The following SNX18 variants were observed in gnomAD, a reference collection of about 807,000 sequenced individuals.
SNX18 encodes the protein sorting nexin-18.
Under a neutral mutation model 48.7 loss-of-function variants are expected in SNX18, and 35 were observed. The observed-to-expected ratio is 0.72, with a 90% CI of 0.55 to 0.95. The LOEUF is 0.95. Ranked by LOEUF, SNX18 falls within the 40% of genes least tolerant of loss-of-function variation. The pLI, the probability that SNX18 is intolerant of heterozygous loss-of-function variation, is 0.00. For missense variants in SNX18, 824 were observed against 871.0 expected, an observed-to-expected ratio of 0.95 and a Z score of 0.68; for synonymous variants, 492 against 384.7, an observed-to-expected ratio of 1.28 and a Z score of -3.26.
At chr5:54,525,265 G>A (rs1762110131) in intron 1 of SNX18, among the ~76,000 whole-genome samples, 1 of 152,040 alleles carries the variant, frequency 6.6e-6, no homozygotes, top group South Asian at 2.1e-4. Context: ...TGACAACCAG[G>A]CATGGTGGCA....
chr5:54,588,690 T>C, the SNX18 span, among the ~76,000 whole-genome samples: 1 of 152,186 alleles, frequency 6.6e-6, no homozygotes, highest in Non-Finnish European at 1.5e-5. Context: ...TGTTGAGCAC[T>C]GTACACCTTC....
the SNX18 span, among the ~76,000 whole-genome samples, chr5:54,613,160 A>T: frequency 1.3e-5 from 2 of 152,230 alleles, no homozygotes; most frequent in Admixed American, 6.5e-5. Context: ...ATTGGGAAAT[A>T]CTGGGCTGAC....
chr5:54,631,795 G>A, the SNX18 span, among the ~76,000 whole-genome samples: 3 of 152,186 alleles, frequency 2.0e-5, no homozygotes, highest in South Asian at 4.1e-4. Context: ...GAGTAGATGT[G>A]AGATCAGAAG....
At chr5:54,519,621 C>T (rs773123866) in intron 1 of SNX18, 48 bp downstream of exon 1, 168 of 1,614,042 alleles carry the variant, frequency 1.0e-4, no homozygotes, top group Non-Finnish European at 1.4e-4. Flanking sequence ...ATTGTGCAGG[C>T]TGAAAGGGGC....
In SNX18 at chr5:54,518,930, G is replaced by A. The variant is rs1761947721; in HGVS notation, c.978G>A (p.Lys326=). ...GGCTGTACGCGCGCCTGGCGGAGAA[G>A]TTCCCGGTCATCTCCGTGCCCCACC... is the stretch of plus-strand genomic sequence containing the variant. The part of the protein sequence containing the change: ...FDWLYARLAE[K]FPVISVPHLP... Residue 326 remains lysine, a synonymous_variant, in exon 1 of 2, where the codon AAG becomes AAA. Transcript: ENST00000381410. 1 of 1,613,882 alleles carries A rather than the reference G, an allele frequency of 6.2e-7. No individual in the cohort carries two copies. Among genetic ancestry groups the A allele is most frequent in the Non-Finnish European group, 8.5e-7 (1 of 1,180,036 alleles).
At chr5:54,623,115 A>G in the SNX18 span, among the ~76,000 whole-genome samples, 1 of 152,136 alleles carries the variant, frequency 6.6e-6, no homozygotes, top group Non-Finnish European at 1.5e-5. Flanking sequence ...CAGTCTCTGT[A>G]GTGATAATCT....
the SNX18 span, among the ~76,000 whole-genome samples, chr5:54,600,435 C>T: frequency 6.6e-5 from 10 of 152,154 alleles, no homozygotes; most frequent in Non-Finnish European, 1.5e-4. Flanking sequence ...CCTCAAAGAG[C>T]TAGAACCAGA....
chr5:54,518,376 G>C lies in SNX18; in HGVS notation c.424G>C (p.Gly142Arg). Reference sequence around the variant, plus strand: ...GCAGCCGTCGCCTCAGCAGCTCTACGGCGGCTACCAGGCCAGCCAAGGCAG... The same window carrying C: ...GCAGCCGTCGCCTCAGCAGCTCTACCGCGGCTACCAGGCCAGCCAAGGCAG... The part of the protein sequence containing the change: ...ALQPSPQQLY[G>R]GYQASQGSDD... Residue 142 changes from glycine to arginine, a missense_variant, in exon 1 of 2, where the codon GGC becomes CGC. This residue lies in a region of SNX18 where 377 missense variants were observed against 350.6 expected (regional missense o/e 1.08). Coordinates refer to ENST00000381410, the MANE Select transcript of SNX18 (RefSeq NM_001102575.2). The C allele has an allele frequency of 6.4e-7, 1 of 1,568,706 alleles. No individual in the cohort carries two copies. Among genetic ancestry groups the C allele is most frequent in the Non-Finnish European group, 8.6e-7 (1 of 1,158,796 alleles).
chr5:54,521,844 A>G (rs1178030329), intron 1 of SNX18, among the ~76,000 whole-genome samples: 1 of 152,198 alleles, frequency 6.6e-6, no homozygotes, highest in Non-Finnish European at 1.5e-5. Context: ...CTGGGATTAC[A>G]AGCGTGAACC....
the SNX18 span, among the ~76,000 whole-genome samples, chr5:54,608,238 C>G: frequency 6.6e-6 from 1 of 152,130 alleles, no homozygotes; most frequent in Admixed American, 6.6e-5. Flanking sequence ...CATATTATGG[C>G]TTTAATTTGG....
At chr5:54,558,905 A>G in the SNX18 span, among the ~76,000 whole-genome samples, 1 of 152,184 alleles carries the variant, frequency 6.6e-6, no homozygotes, top group African/African-American at 2.4e-5. Context: ...AAGATTTGGA[A>G]TAAGTAAAAC....
At chr5:54,526,840 A>C (rs995551830) in intron 1 of SNX18, among the ~76,000 whole-genome samples, 2 of 152,060 alleles carry the variant, frequency 1.3e-5, no homozygotes, top group Non-Finnish European at 2.9e-5. Flanking sequence ...GAAAGAGGGC[A>C]TGGGAGGCAG....
At chr5:54,632,041 C>G in the SNX18 span, among the ~76,000 whole-genome samples, 2 of 152,282 alleles carry the variant, frequency 1.3e-5, no homozygotes, top group South Asian at 4.1e-4. Context: ...TTTCAAGAAG[C>G]CTGGCATGTC....
the SNX18 span, among the ~76,000 whole-genome samples, chr5:54,621,286 C>A: frequency 6.6e-6 from 1 of 152,124 alleles, no homozygotes; most frequent in Admixed American, 6.5e-5. Context: ...TGCGTTCTTG[C>A]CAGCATTGTG....
chr5:54,591,745 C>T, the SNX18 span, among the ~76,000 whole-genome samples: 1 of 152,198 alleles, frequency 6.6e-6, no homozygotes, highest in African/African-American at 2.4e-5. Context: ...CACTTTGCCC[C>T]AGTCACAGTT....
chr5:54,568,425 T>C, the SNX18 span, among the ~76,000 whole-genome samples: 1 of 152,320 alleles, frequency 6.6e-6, no homozygotes, highest in Admixed American at 6.5e-5. Context: ...CAGGCAAGGA[T>C]GCAACGGCAC....
rs1349451667 is a variant in SNX18 at position 54,544,814 on chromosome 5, C to T, written c.*1382C>T. 6.6e-6 allele frequency: 1 copy of T among 152,018 alleles called. No homozygotes were observed. The highest frequency in any genetic ancestry group is 2.4e-5 in the African/African-American group (1 of 41,400). 9.4% of individuals were successfully genotyped at this position (152,018 alleles called of 1,614,324 possible). On this transcript the variant is annotated 3_prime_UTR_variant, in exon 2 of 2. Coordinates refer to ENST00000381410, the MANE Select transcript of SNX18 (RefSeq NM_001102575.2). ...TCTCAATGTTTTTATAGTTGCTGAG[C>T]TAACTAATGTGATTATTGAGTTTAC...
chr5:54,563,345 A>G, the SNX18 span, among the ~76,000 whole-genome samples: 1 of 152,156 alleles, frequency 6.6e-6, no homozygotes, highest in Non-Finnish European at 1.5e-5. Flanking sequence ...AGTGCCCTAT[A>G]TGGGTGTACC....
the SNX18 span, among the ~76,000 whole-genome samples, chr5:54,557,128 A>G: frequency 1.3e-5 from 2 of 152,370 alleles, no homozygotes; most frequent in South Asian, 4.1e-4. Context: ...TTTTCTTGCT[A>G]GCAATTCATA....
Sources: allele counts gnomAD v4.1 joint callset (sites outside exome capture counted in the v4.1 genomes callset), GRCh38; gene constraint gnomAD v4.1.1; regional missense constraint gnomAD v4.1.1; transcripts MANE v1.5; gene names NCBI Gene and HGNC (gene_info 2026-07-23, HGNC 2026-07-21).